Variants in ATRNL1 observed in about 807,000 individuals in gnomAD.
The protein encoded by ATRNL1 is attractin like 1, also known as attractin-like protein 1.
ATRNL1 carries 95 observed loss-of-function variants against 182.7 expected under a neutral mutation model. The ratio of observed to expected loss-of-function variants is 0.52; its 90% CI spans 0.44 to 0.62. The LOEUF is 0.62. Among genes scored for constraint, ATRNL1 ranks in the 20% least tolerant of loss-of-function variants. ATRNL1 has a pLI of 0.00. For missense variants in ATRNL1, 1,471 were observed against 1,679.5 expected, an observed-to-expected ratio of 0.88 and a Z score of 2.17; for synonymous variants, 576 against 568.3, an observed-to-expected ratio of 1.01 and a Z score of -0.19.
intron 26 of ATRNL1, among the ~76,000 whole-genome samples, chr10:115,550,135 T>C (rs2133810813): frequency 6.6e-6 from 1 of 152,012 alleles, no homozygotes; most frequent in East Asian, 1.9e-4. Context: ...AAATTGTGTA[T>C]ATTCGTTAAT....
intron 18 of ATRNL1, 77 bp from the exon 19 acceptor site, chr10:115,334,205 A>T (rs531039647): frequency 2.9e-5 from 29 of 986,668 alleles, no homozygotes; most frequent in Non-Finnish European, 3.9e-5. Context: ...GCTTTTTAAG[A>T]TACATTCTTT....
chr10:115,922,048 G>A (rs1257677756), intron 28 of ATRNL1, among the ~76,000 whole-genome samples: 2 of 152,114 alleles, frequency 1.3e-5, no homozygotes, highest in South Asian at 2.1e-4. Context: ...TGCCAGCCTC[G>A]TCACCCAGGG....
intron 26 of ATRNL1, among the ~76,000 whole-genome samples, chr10:115,570,290 T>C (rs1854313774): frequency 1.3e-5 from 2 of 152,180 alleles, no homozygotes; most frequent in African/African-American, 2.4e-5. Flanking sequence ...AAAGCACTAA[T>C]TCCAATCATG....
intron 24 of ATRNL1, among the ~76,000 whole-genome samples, chr10:115,492,206 G>A (rs560313383): frequency 4.6e-5 from 7 of 152,208 alleles, no homozygotes; most frequent in East Asian, 1.9e-4. Context: ...CTAGCAAATC[G>A]TCAAGCTCTT....
intron 19 of ATRNL1, among the ~76,000 whole-genome samples, chr10:115,364,731 G>T (rs1440177790): frequency 6.6e-6 from 1 of 151,822 alleles, no homozygotes; most frequent in Non-Finnish European, 1.5e-5. Context: ...TATCATGAAG[G>T]GTTGTTGAAT....
At chr10:115,153,073 G>T (rs1211609897) in intron 5 of ATRNL1, among the ~76,000 whole-genome samples, 1 of 152,154 alleles carries the variant, frequency 6.6e-6, no homozygotes, top group Non-Finnish European at 1.5e-5. Flanking sequence ...AAGCCCACTT[G>T]ATCATGGTGG....
intron 8 of ATRNL1, among the ~76,000 whole-genome samples, chr10:115,178,379 G>A (rs545833563): frequency 1.5e-3 from 230 of 152,204 alleles, no homozygotes; most frequent in African/African-American, 5.4e-3. Context: ...GGTTCCACAT[G>A]CTTTTGTTTG....
intron 26 of ATRNL1, among the ~76,000 whole-genome samples, chr10:115,640,325 G>T (rs1271893848): frequency 2.6e-5 from 4 of 152,116 alleles, no homozygotes; most frequent in African/African-American, 9.7e-5. Flanking sequence ...GGTATTTCTG[G>T]TTCTAGATCA....
intron 28 of ATRNL1, among the ~76,000 whole-genome samples, chr10:115,899,674 T>A (rs1402086819): frequency 6.6e-6 from 1 of 152,160 alleles, no homozygotes; most frequent in African/African-American, 2.4e-5. Flanking sequence ...TATGTATTTT[T>A]AAAAAAGCCT....
intron 26 of ATRNL1, among the ~76,000 whole-genome samples, chr10:115,600,956 T>A (rs1265519548): frequency 6.8e-6 from 1 of 146,268 alleles, no homozygotes; most frequent in Admixed American, 7.1e-5. Flanking sequence ...TTGCCCTGTA[T>A]GGATGTCCAC....
At chr10:115,774,252 AC>A (rs563344245) in intron 27 of ATRNL1, among the ~76,000 whole-genome samples, 33 of 151,860 alleles carry the variant, frequency 2.2e-4, no homozygotes, top group African/African-American at 7.5e-4. Flanking sequence ...ATGTGGCGAA[AC>A]CCCGTCTCTA....
chr10:115,482,402 T>C (rs577202343), intron 24 of ATRNL1, among the ~76,000 whole-genome samples: 1 of 151,172 alleles, frequency 6.6e-6, no homozygotes, highest in South Asian at 2.1e-4. Flanking sequence ...TGTAAGATAA[T>C]GTAAATTGTG....
chr10:115,821,111 T>C (rs1484859774), intron 27 of ATRNL1, among the ~76,000 whole-genome samples: 4 of 152,274 alleles, frequency 2.6e-5, no homozygotes, highest in Admixed American at 2.6e-4. Context: ...TCCCTCACCA[T>C]GTAGAACTAT....
intron 27 of ATRNL1, among the ~76,000 whole-genome samples, chr10:115,747,408 CA>C (rs1352448118): frequency 6.6e-6 from 1 of 152,030 alleles, no homozygotes; most frequent in East Asian, 1.9e-4. Flanking sequence ...CCCCATCTTG[CA>C]GGTGGGAAAA....
At chr10:115,860,260 TA>T (rs1951283837) in intron 28 of ATRNL1, among the ~76,000 whole-genome samples, 3 of 152,276 alleles carry the variant, frequency 2.0e-5, no homozygotes, top group Admixed American at 6.5e-5. Flanking sequence ...TTGAAGCCCC[TA>T]AAAATCTGGA....
chr10:115,611,546 A>G (rs1020877156), intron 26 of ATRNL1, among the ~76,000 whole-genome samples: 7 of 152,126 alleles, frequency 4.6e-5, no homozygotes, highest in African/African-American at 1.7e-4. Context: ...TCAGGTGTTT[A>G]TATTCTACTG....
chr10:115,270,359 A>ATATAAATCTTTTATATAT (rs201570240), intron 13 of ATRNL1, among the ~76,000 whole-genome samples: 1 of 141,936 alleles, frequency 7.0e-6, no homozygotes, highest in Non-Finnish European at 1.5e-5. Context: ...ATATATAAAC[A>ATATAAATCTTTTATATAT]AATATATAAA....
intron 3 of ATRNL1, among the ~76,000 whole-genome samples, chr10:115,123,494 A>C (rs1844830823): frequency 6.6e-6 from 1 of 152,200 alleles, no homozygotes; most frequent in African/African-American, 2.4e-5. Context: ...AATTGTATAA[A>C]TATTTATTAC....
At chr10:115,313,187 G>A (rs1682899061) in intron 17 of ATRNL1, among the ~76,000 whole-genome samples, 2 of 150,458 alleles carry the variant, frequency 1.3e-5, no homozygotes, top group South Asian at 4.2e-4. Flanking sequence ...GATCTTTTTG[G>A]CAGTATTATA....
Sources: allele counts gnomAD v4.1 joint callset (sites outside exome capture counted in the v4.1 genomes callset), GRCh38; gene constraint gnomAD v4.1.1; transcripts MANE v1.5; gene names NCBI Gene and HGNC (gene_info 2026-07-23, HGNC 2026-07-21).